Variants in PDIA5 observed in about 807,000 individuals in gnomAD.
PDIA5 encodes the protein protein disulfide-isomerase A5.
PDIA5 carries 58 observed loss-of-function variants against 77.6 expected under a neutral mutation model. The ratio of observed to expected loss-of-function variants is 0.75; its 90% CI spans 0.61 to 0.93. PDIA5 has a LOEUF of 0.93. Ranked by LOEUF, PDIA5 falls within the 40% of genes least tolerant of loss-of-function variation. The probability of loss-of-function intolerance (pLI) is 0.00; values close to 1 mark genes in which losing one functional copy is unlikely to be tolerated. For synonymous variants in PDIA5, 250 were observed against 252.1 expected (o/e 0.99, Z 0.08); for missense variants, 630 against 647.7 (o/e 0.97, Z 0.30).
chr3:123,088,973 G>T, intron 1 of PDIA5, 195 bp from the exon 2 acceptor site: 1 of 513,822 alleles, frequency 1.9e-6, no homozygotes, highest in Non-Finnish European at 3.5e-6. Context: ...AAAAGTGCCT[G>T]GAGGGGAAGG....
intron 1 of PDIA5, among the ~76,000 whole-genome samples, chr3:123,088,827 C>G (rs11718825): frequency 0.061 from 9,240 of 152,182 alleles, 540 homozygotes; most frequent in African/African-American, 0.16. Context: ...GGTTTTATTG[C>G]TATTATTTTT....
At chr3:123,106,640 G>T (rs988677123) in intron 5 of PDIA5, 109 bp from the exon 6 acceptor site, 1 of 747,340 alleles carries the variant, frequency 1.3e-6, no homozygotes, top group Admixed American at 2.3e-5. Context: ...GAGCTCAGCA[G>T]CTGGTGTGCC....
intron 13 of PDIA5, 21 bp from the exon 14 acceptor site, chr3:123,150,213 C>T (rs1256410796): frequency 6.3e-7 from 1 of 1,595,362 alleles, no homozygotes; most frequent in Admixed American, 1.7e-5. Flanking sequence ...GCTGCCTCCC[C>T]ACTCCCCTGG....
intron 1 of PDIA5, among the ~76,000 whole-genome samples, chr3:123,071,761 C>A (rs778962276): frequency 1.1e-4 from 17 of 152,244 alleles, no homozygotes; most frequent in Non-Finnish European, 1.6e-4. Flanking sequence ...ACAAGGAGGG[C>A]AGACTTGGAG....
At chr3:123,156,764 A>G (rs938842618) in intron 15 of PDIA5, among the ~76,000 whole-genome samples, 5 of 152,146 alleles carry the variant, frequency 3.3e-5, no homozygotes, top group African/African-American at 4.8e-5. Flanking sequence ...GCTGGGGAGC[A>G]TGGTGTCAGG....
chr3:123,115,058 C>T (rs1357787999), intron 7 of PDIA5, among the ~76,000 whole-genome samples: 2 of 152,100 alleles, frequency 1.3e-5, no homozygotes, highest in South Asian at 2.1e-4. Context: ...CCTGTCTAGG[C>T]GTCAGCTAAG....
chr3:123,123,928 C>T (rs921894622), intron 8 of PDIA5, 138 bp from the exon 9 acceptor site: 4 of 638,912 alleles, frequency 6.3e-6, no homozygotes, highest in Non-Finnish European at 1.1e-5. Flanking sequence ...TGTTTCTCAG[C>T]AGCCCTGATG....
At chr3:123,117,166 A>G (rs1244300347) in intron 8 of PDIA5, among the ~76,000 whole-genome samples, 7 of 151,820 alleles carry the variant, frequency 4.6e-5, no homozygotes, top group African/African-American at 1.7e-4. Context: ...AATGTGGTAA[A>G]AAACACATAA....
Position 123,161,394 on chromosome 3 carries a change from A to G in PDIA5, c.1418A>G (p.Tyr473Cys), listed in dbSNP as rs1409238136. The change falls in exon 16 of 17, where the codon TAC (tyrosine) becomes TGC (cysteine). Residue 473 changes from tyrosine to cysteine, a missense_variant. Tyr to Cys is a radical substitution (Grantham distance 194). Coordinates refer to ENST00000316218, the MANE Select transcript of PDIA5 (RefSeq NM_006810.4). Reference sequence around the variant, plus strand: ...TGCCAGCAGGAGGCGGTCAAGGGCTACCCCACTTTCCACTACTACCACTAT... The same window carrying G: ...TGCCAGCAGGAGGCGGTCAAGGGCTGCCCCACTTTCCACTACTACCACTAT... ...DLCQQEAVKGYPTFHYYHYGK... is the reference protein window; with the variant it reads ...DLCQQEAVKGCPTFHYYHYGK... The G allele has an allele frequency of 3.7e-6, 6 of 1,614,130 alleles. No individual in the cohort carries two copies. In the Admixed American group the frequency reaches 8.3e-5, roughly 22 times the overall value.
chr3:123,106,702 C>A (rs757032720), intron 5 of PDIA5, 47 bp from the exon 6 acceptor site: 2 of 1,407,106 alleles, frequency 1.4e-6, no homozygotes, highest in Non-Finnish European at 2.0e-6. Flanking sequence ...CCACCTCCCT[C>A]TTTTCAGGGC....
intron 8 of PDIA5, among the ~76,000 whole-genome samples, 161 bp downstream of exon 8, chr3:123,116,459 C>T (rs1261445405): frequency 1.3e-5 from 2 of 152,216 alleles, no homozygotes; most frequent in African/African-American, 2.4e-5. Flanking sequence ...GCTCAGAGAC[C>T]TGTTCTCTGT....
chr3:123,069,481 C>G (rs1490397196), intron 1 of PDIA5, among the ~76,000 whole-genome samples: 1 of 152,110 alleles, frequency 6.6e-6, no homozygotes, highest in East Asian at 1.9e-4. Context: ...TAAGAAATAT[C>G]CCATAGACTG....
chr3:123,111,900 G>A (rs537635660), intron 7 of PDIA5, among the ~76,000 whole-genome samples: 15 of 152,150 alleles, frequency 9.9e-5, no homozygotes, highest in Admixed American at 3.3e-4. Flanking sequence ...TTGGTTCTAC[G>A]TACTGCTTCA....
chr3:123,126,639 C>T (rs1483832207), intron 10 of PDIA5, among the ~76,000 whole-genome samples: 1 of 152,222 alleles, frequency 6.6e-6, no homozygotes, highest in Non-Finnish European at 1.5e-5. Context: ...CCCCTCACAT[C>T]CTTTTGGGCA....
At chr3:123,153,719 G>A (rs754034142) in intron 14 of PDIA5, among the ~76,000 whole-genome samples, 4 of 152,222 alleles carry the variant, frequency 2.6e-5, no homozygotes, top group Non-Finnish European at 5.9e-5. Context: ...GCCAGGCCAT[G>A]TGGGTGGTCC....
chr3:123,114,224 G>C (rs79493808), intron 7 of PDIA5, among the ~76,000 whole-genome samples: 1 of 152,216 alleles, frequency 6.6e-6, no homozygotes, highest in Non-Finnish European at 1.5e-5. Flanking sequence ...GATGAATGTG[G>C]CCCAGTGGGG....
intron 6 of PDIA5, among the ~76,000 whole-genome samples, chr3:123,110,633 C>G (rs1934837665): frequency 6.6e-6 from 1 of 152,182 alleles, no homozygotes; most frequent in African/African-American, 2.4e-5. Flanking sequence ...AAGCCAGCAG[C>G]CTGGTCCTCA....
At position 123,161,899 on chromosome 3, in the gene PDIA5, A is replaced by G; in HGVS notation, c.1499A>G (p.Tyr500Cys). 1.3e-6 allele frequency: 2 copies of G among 1,599,044 alleles called. No homozygotes were observed. The highest frequency in any genetic ancestry group is 1.7e-6 in the Non-Finnish European group (2 of 1,166,578). Residue 500 changes from tyrosine (Y) to cysteine (C), a missense_variant, in exon 17 of 17, where the codon TAT (tyrosine) becomes TGT (cysteine). Physicochemically the swap from Tyr to Cys is radical, Grantham distance 194 (BLOSUM62 -2). Coordinates refer to ENST00000316218, the MANE Select transcript of PDIA5 (RefSeq NM_006810.4). The stretch of plus-strand genomic sequence containing the variant: ...CTGCAGGAATTGGGATTTACCAATT[A>G]TATTCGAGCCCTCCGGGAGGGAGAC... ...SDRTELGFTN[Y>C]IRALREGDHE...
chr3:123,161,738 T>G (rs1936163757), intron 16 of PDIA5, 142 bp from the exon 17 acceptor site: 1 of 708,176 alleles, frequency 1.4e-6, no homozygotes, highest in South Asian at 1.6e-5. Flanking sequence ...ACGCAGACCC[T>G]CTCCACCTTG....
Sources: allele counts gnomAD v4.1 joint callset (sites outside exome capture counted in the v4.1 genomes callset), GRCh38; gene constraint gnomAD v4.1.1; transcripts MANE v1.5; gene names NCBI Gene and HGNC (gene_info 2026-07-23, HGNC 2026-07-21).